Variants in PBRM1 observed in about 807,000 individuals in gnomAD.
PBRM1 encodes the protein polybromo 1, also known as protein polybromo-1.
A neutral mutation model predicts 194.5 loss-of-function variants in PBRM1; 27 were observed. That is an observed-to-expected ratio of 0.14 (90% CI 0.10 to 0.19). The LOEUF is 0.19. Among genes scored for constraint, PBRM1 ranks in the 10% least tolerant of loss-of-function variants. The probability of loss-of-function intolerance (pLI) is 1.00; values close to 1 mark genes in which losing one functional copy is unlikely to be tolerated. For missense variants in PBRM1, 1,466 were observed against 2,077.2 expected (o/e 0.71, Z 5.72); for synonymous variants, 655 against 693.2 (o/e 0.94, Z 0.87).
chr3:52,639,333 A>G (rs72950414), intron 10 of PBRM1, among the ~76,000 whole-genome samples: 4,437 of 152,072 alleles, frequency 0.029, 226 homozygotes, highest in African/African-American at 0.1. Context: ...AATATTGTTT[A>G]TTTATGCCTT....
At chr3:52,674,771 T>C in intron 2 of PBRM1, among the ~76,000 whole-genome samples, 1 of 149,884 alleles carries the variant, frequency 6.7e-6, no homozygotes, top group East Asian at 1.9e-4. Context: ...CATATATAAA[T>C]AAAAAATACG....
chr3:52,617,690 G>A, intron 13 of PBRM1, 152 bp from the exon 16 acceptor site: 2 of 592,618 alleles, frequency 3.4e-6, no homozygotes, highest in Non-Finnish European at 2.8e-6. Context: ...TAACCATGCT[G>A]GAAGTTATAA....
intron 2 of PBRM1, among the ~76,000 whole-genome samples, chr3:52,670,287 A>C (rs191064481): frequency 1.3e-5 from 2 of 152,366 alleles, no homozygotes; most frequent in African/African-American, 4.8e-5. Context: ...TGGTCAAAAC[A>C]GGGTCCCCCC....
At chr3:52,640,791 C>T (rs1001945946) in intron 10 of PBRM1, among the ~76,000 whole-genome samples, 1 of 151,786 alleles carries the variant, frequency 6.6e-6, no homozygotes, top group Non-Finnish European at 1.5e-5. Context: ...GTGCGCTCCA[C>T]CATACCTGGC....
chr3:52,672,462 A>C (rs2096968491), intron 2 of PBRM1, among the ~76,000 whole-genome samples: 1 of 151,288 alleles, frequency 6.6e-6, no homozygotes, highest in Non-Finnish European at 1.5e-5. Context: ...CAGAACAAAT[A>C]ACTTCAATTT....
upstream of PBRM1, among the ~76,000 whole-genome samples, chr3:52,680,466 TCTAA>T (rs2097184581): frequency 6.6e-6 from 1 of 152,190 alleles, no homozygotes; most frequent in Non-Finnish European, 1.5e-5. Flanking sequence ...TATGACATAC[TCTAA>T]CTATAACACG....
At chr3:52,590,723 A>G (rs566203198) in intron 17 of PBRM1, among the ~76,000 whole-genome samples, 6 of 152,218 alleles carry the variant, frequency 3.9e-5, no homozygotes, top group Non-Finnish European at 7.4e-5. Context: ...TTAGCCTCCT[A>G]AAGTGCTGGG....
chr3:52,676,153 T>A (rs112363586), intron 2 of PBRM1, among the ~76,000 whole-genome samples: 34,667 of 70,798 alleles, frequency 0.49, 15,193 homozygotes, highest in South Asian at 0.74. Flanking sequence ...AAAAAAAAAA[T>A]AATGAATGAA....
At chr3:52,615,318 T>A in intron 15 of PBRM1, 33 bp downstream of exon 17, 1 of 1,142,236 alleles carries the variant, frequency 8.8e-7, no homozygotes, top group Non-Finnish European at 1.3e-6. Context: ...CTTGATAGAC[T>A]AAACTAAATA....
At chr3:52,583,600 T>C (rs543543880) in intron 20 of PBRM1, among the ~76,000 whole-genome samples, 91 of 152,280 alleles carry the variant, frequency 6.0e-4, no homozygotes, top group African/African-American at 2.0e-3. Context: ...CTGCTCATTT[T>C]TGTAGTCCTA....
chr3:52,609,190 T>C lies in PBRM1; in HGVS notation c.2567+123A>G, dbSNP rs530495286. The C allele has an allele frequency of 5.2e-6, 4 of 762,388 alleles. No individual in the cohort carries two copies. Among genetic ancestry groups the C allele is most frequent in the African/African-American group, 1.8e-5 (1 of 56,902 alleles). 47.2% of individuals were successfully genotyped at this position (762,388 alleles called of 1,614,324 possible). A position where few individuals can be genotyped will look rare whatever the true frequency, so the allele number is the denominator to read the frequency against. On this transcript the variant is annotated intron_variant, in intron 16 of 29. Coordinates refer to ENST00000296302, the Ensembl canonical transcript of PBRM1. The surrounding 1 kb of genome is among the most constrained non-coding windows in gnomAD (Gnocchi z 4.1). ...AGTTCTGGCTGATTAGAATTCAGAA[T>C]AGCATGCTACCAACTACAAATCATG...
intron 3 of PBRM1, among the ~76,000 whole-genome samples, chr3:52,665,981 T>A (rs2096826084): frequency 6.6e-6 from 1 of 152,212 alleles, no homozygotes; most frequent in Non-Finnish European, 1.5e-5. Flanking sequence ...TAATTATGCA[T>A]ATTAAAACTT....
chr3:52,682,248 G>C (rs1360719671), upstream of PBRM1: 1 of 151,306 alleles, frequency 6.6e-6, no homozygotes, highest in Non-Finnish European at 1.5e-5. Context: ...AACAAACCAA[G>C]AATGGCTCAT....
intron 3 of PBRM1, 124 bp downstream of exon 4, chr3:52,668,374 C>G: frequency 6.3e-6 from 4 of 632,758 alleles, no homozygotes; most frequent in Non-Finnish European, 1.1e-5. Context: ...ACGAATAAGA[C>G]AAATGCGAAC....
At chr3:52,570,440 A>G (rs1485828343) in intron 22 of PBRM1, among the ~76,000 whole-genome samples, 2 of 152,222 alleles carry the variant, frequency 1.3e-5, no homozygotes, top group African/African-American at 4.8e-5. Flanking sequence ...ACATAATTCA[A>G]AGGCCTTTTA....
chr3:52,599,582 C>T (rs1017583612), intron 17 of PBRM1, among the ~76,000 whole-genome samples: 12 of 150,238 alleles, frequency 8.0e-5, no homozygotes, highest in Non-Finnish European at 1.3e-4. Flanking sequence ...ACAGCCGAGG[C>T]GGGCGGATCA....
intron 11 of PBRM1, among the ~76,000 whole-genome samples, chr3:52,633,176 CTATTT>C (rs773657822): frequency 1.3e-5 from 2 of 152,004 alleles, no homozygotes; most frequent in African/African-American, 2.4e-5. Flanking sequence ...AACTACTATT[CTATTT>C]TGTCTCTGAT....
Position 52,560,061 on chromosome 3 carries a change from T to C in PBRM1, c.4289-1648A>G, listed in dbSNP as rs2083138164. Among the ~76,000 whole-genome samples the C allele has an allele frequency of 2.0e-5, 3 of 152,152 alleles. No homozygotes were observed. In the South Asian group the frequency reaches 6.2e-4, roughly 32 times the overall value. On this transcript the variant is annotated intron_variant, in intron 25 of 29. Coordinates refer to ENST00000296302, the Ensembl canonical transcript of PBRM1. Reference sequence around the variant, plus strand: ...AAAAGTTCAGATTTTATGTCTCAGGTAGATGCTGCTGAGTCATATAACTCC... The same window carrying C: ...AAAAGTTCAGATTTTATGTCTCAGGCAGATGCTGCTGAGTCATATAACTCC...
At chr3:52,642,525 C>T (rs113753107) in intron 9 of PBRM1, among the ~76,000 whole-genome samples, 42 of 146,634 alleles carry the variant, frequency 2.9e-4, no homozygotes, top group African/African-American at 8.5e-4. Context: ...CTGAGGCAGG[C>T]GAATCACTTG....
Sources: allele counts gnomAD v4.1 joint callset (sites outside exome capture counted in the v4.1 genomes callset), GRCh38; gene constraint gnomAD v4.1.1; non-coding constraint Gnocchi (gnomAD v3.1); transcripts MANE v1.5; gene names NCBI Gene and HGNC (gene_info 2026-07-23, HGNC 2026-07-21).